ITPKB: variants seen among roughly 807,000 people sequenced by gnomAD.
The protein encoded by ITPKB is inositol-trisphosphate 3-kinase B, also known as IP3 3-kinase B.
ITPKB carries 13 observed loss-of-function variants against 69.4 expected under a neutral mutation model. That is an observed-to-expected ratio of 0.19 (90% confidence interval 0.12 to 0.30). The LOEUF is 0.30. ITPKB is among the 10% of genes least tolerant of loss of function. The pLI, the probability that ITPKB is intolerant of heterozygous loss-of-function variation, is 1.00. For synonymous variants in ITPKB, 584 were observed against 513.7 expected, an observed-to-expected ratio of 1.14 and a Z score of -1.85; for missense variants, 1,240 against 1,250.5, an observed-to-expected ratio of 0.99 and a Z score of 0.13.
chr1:226,677,093 G>A (rs1003690834), intron 2 of ITPKB, among the ~76,000 whole-genome samples: 5 of 152,280 alleles, frequency 3.3e-5, no homozygotes, highest in African/African-American at 9.6e-5. Flanking sequence ...TTGAAACGCC[G>A]TCCTAAGATC....
chr1:226,718,306 A>G (rs925104684), intron 2 of ITPKB, among the ~76,000 whole-genome samples: 41 of 150,436 alleles, frequency 2.7e-4, no homozygotes, highest in African/African-American at 7.8e-4. Flanking sequence ...AAAAAAAAAA[A>G]AGAGAAAAGC....
Position 226,653,012 on chromosome 1 carries a change from C to T in ITPKB, c.1933-4241G>A, listed in dbSNP as rs549966312. ...GTCATCTCTCGGGGAGATAGGAGGG[C>T]CCATTTCTGCAGGCGTGCACCAGTA... On this transcript the variant is annotated intron_variant, in intron 2 of 7. Transcript: ENST00000429204. 4.6e-5 allele frequency among the ~76,000 whole-genome samples: 7 copies of T among 152,276 alleles called. No homozygotes were observed. The South Asian group carries it at 6.2e-4, about 14-fold the overall frequency.
rs563943027 is a variant in ITPKB at position 226,642,557 on chromosome 1, C to A, written c.2247-432G>T. 7.9e-5 allele frequency among the ~76,000 whole-genome samples: 12 copies of A among 152,150 alleles called. No individual in the cohort carries two copies. The highest frequency in any genetic ancestry group is 2.9e-4 in the African/African-American group (12 of 41,494). ...ACTCCAAGCCCATCGGCTGGCCTCA[C>A]AAAGCCCAAGGAGCTCCTCCTCGGG... On this transcript the variant is annotated intron_variant, in intron 4 of 7. Coordinates refer to ENST00000429204, the MANE Select transcript of ITPKB (RefSeq NM_002221.4). This position sits in a 1 kb window ranked among gnomAD's most constrained non-coding sequence, Gnocchi z 6.4.
chr1:226,735,518 A>G lies in ITPKB; in HGVS notation c.1932+9T>C, dbSNP rs1223494248. 2 of 1,501,008 alleles carry G rather than the reference A, an allele frequency of 1.3e-6. No homozygotes were observed. The highest frequency in any genetic ancestry group is 2.3e-5 in the Admixed American group (1 of 42,906). The allele number at this position is 1,501,008 out of a possible 1,614,324, so 93.0% of individuals were successfully genotyped here. A position where few individuals can be genotyped will look rare whatever the true frequency, so the allele number is the denominator to read the frequency against. Reference sequence around the variant, plus strand: ...ATGAGTTCTGGGCAAATCTCAGAGCAAGACTTACCACTCTAGGTTTCTGCT... The same window carrying G: ...ATGAGTTCTGGGCAAATCTCAGAGCGAGACTTACCACTCTAGGTTTCTGCT... On this transcript the variant is annotated intron_variant, in intron 2 of 7. Coordinates refer to ENST00000429204, the MANE Select transcript of ITPKB (RefSeq NM_002221.4).
At chr1:226,730,071 G>C (rs1242689274) in intron 2 of ITPKB, among the ~76,000 whole-genome samples, 1 of 152,204 alleles carries the variant, frequency 6.6e-6, no homozygotes, top group East Asian at 1.9e-4. Flanking sequence ...AATGAAGGGG[G>C]CCCAGTGAGA....
At chr1:226,649,456 T>C (rs1355238941) in intron 2 of ITPKB, among the ~76,000 whole-genome samples, 3 of 142,742 alleles carry the variant, frequency 2.1e-5, no homozygotes, top group African/African-American at 5.2e-5. Flanking sequence ...TGTGTGCATG[T>C]GTGATATGTG....
chr1:226,658,140 C>A (rs540709900), intron 2 of ITPKB, among the ~76,000 whole-genome samples: 1 of 152,314 alleles, frequency 6.6e-6, no homozygotes, highest in South Asian at 2.1e-4. Flanking sequence ...GGAAAAAATC[C>A]TTTTTTCCTT....
At chr1:226,690,312 A>T (rs1656318141) in intron 2 of ITPKB, among the ~76,000 whole-genome samples, 1 of 152,202 alleles carries the variant, frequency 6.6e-6, no homozygotes, top group Admixed American at 6.5e-5. Context: ...ACAGCTTTTG[A>T]CATGTTACAT....
rs1302937752 is a variant in ITPKB, at chr1:226,737,210, A to C, written c.249T>G (p.Asn83Lys). 1 of 1,579,068 alleles carries C rather than the reference A, an allele frequency of 6.3e-7. No homozygotes were observed. Among genetic ancestry groups the C allele is most frequent in the Admixed American group, 1.8e-5 (1 of 56,156 alleles). The stretch of plus-strand genomic sequence containing the variant: ...TGCCGCTGCCACTGCCGCTGCTACT[A>C]TTCAGCCTGCGCCGGCCGCTCCGCC... ...GGWRSGRRRL[N>K]SSSGSGSGSS... The change falls in exon 2 of 8, where the codon AAT becomes AAG. Residue 83 changes from asparagine (N) to lysine (K), a missense_variant. Coordinates refer to ENST00000429204, the MANE Select transcript of ITPKB (RefSeq NM_002221.4).
At chr1:226,657,624 C>T (rs560847365) in intron 2 of ITPKB, among the ~76,000 whole-genome samples, 1 of 152,338 alleles carries the variant, frequency 6.6e-6, no homozygotes, top group South Asian at 2.1e-4. Context: ...GATCACGTTA[C>T]ATGTCTAACA....
At chr1:226,667,245 A>G (rs1669519934) in intron 2 of ITPKB, among the ~76,000 whole-genome samples, 2 of 152,196 alleles carry the variant, frequency 1.3e-5, no homozygotes, top group South Asian at 2.1e-4. Context: ...GGAAATGGCC[A>G]GTTCATTGCT....
intron 2 of ITPKB, among the ~76,000 whole-genome samples, chr1:226,718,585 C>T (rs1208609066): frequency 6.6e-6 from 1 of 152,060 alleles, no homozygotes; most frequent in Non-Finnish European, 1.5e-5. Flanking sequence ...GGGCAAGCTA[C>T]AGAACAAGAC....
At chr1:226,640,944 A>G (rs1668948038) in intron 5 of ITPKB, among the ~76,000 whole-genome samples, 2 of 152,176 alleles carry the variant, frequency 1.3e-5, no homozygotes, top group African/African-American at 2.4e-5. Flanking sequence ...TCCCATCAGG[A>G]CCATCGGCTG....
chr1:226,671,897 G>A lies in ITPKB; in HGVS notation c.1933-23126C>T, dbSNP rs190523376. ...CACATATGAGGTCAGTTCTTGCAGA[G>A]TTTTTTAGGCTGTTCTTAGGACTTC... is the stretch of plus-strand genomic sequence containing the variant. On this transcript the variant is annotated intron_variant, in intron 2 of 7. Coordinates refer to ENST00000429204, the MANE Select transcript of ITPKB (RefSeq NM_002221.4). 1.7e-3 allele frequency among the ~76,000 whole-genome samples: 254 copies of A among 152,296 alleles called. 2 individuals carry two copies. The highest frequency in any genetic ancestry group is 5.9e-3 in the African/African-American group (247 of 41,544).
intron 2 of ITPKB, among the ~76,000 whole-genome samples, chr1:226,660,614 C>T (rs1669383514): frequency 6.6e-6 from 1 of 152,174 alleles, no homozygotes; most frequent in Non-Finnish European, 1.5e-5. Context: ...GAAGAAGGCA[C>T]AGGAAATGCT....
chr1:226,675,207 G>C (rs553443262), intron 2 of ITPKB: 1 of 148,832 alleles, frequency 6.7e-6, no homozygotes, highest in African/African-American at 2.5e-5. Flanking sequence ...TGTTTACCAC[G>C]ACCCACCGGG....
intron 2 of ITPKB, among the ~76,000 whole-genome samples, chr1:226,670,754 A>G (rs1348345888): frequency 6.6e-6 from 1 of 152,264 alleles, no homozygotes; most frequent in East Asian, 1.9e-4. Flanking sequence ...CTCAGTTATT[A>G]TATTCTATTG....
chr1:226,717,132 C>A (rs752024725), intron 2 of ITPKB, among the ~76,000 whole-genome samples: 8 of 152,012 alleles, frequency 5.3e-5, no homozygotes, highest in Non-Finnish European at 1.2e-4. Flanking sequence ...ACATCTTCCC[C>A]TGTTTCTCGA....
chr1:226,725,882 C>T (rs1181465326), intron 2 of ITPKB, among the ~76,000 whole-genome samples: 3 of 152,220 alleles, frequency 2.0e-5, no homozygotes, highest in South Asian at 2.1e-4. Context: ...CTCCGTCCAC[C>T]TCAGAACTGG....
Sources: gnomAD v4.1 joint callset for allele counts (sites outside exome capture counted in the v4.1 genomes callset) on GRCh38, gnomAD v4.1.1 for gene constraint, Gnocchi (gnomAD v3.1) non-coding constraint, MANE v1.5 for transcripts, NCBI Gene and HGNC (gene_info 2026-07-23, HGNC 2026-07-21) for gene names.